The following RIPOR2 variants were observed in gnomAD, a reference collection of about 807,000 sequenced individuals.
The protein encoded by RIPOR2 is RHO family interacting cell polarization regulator 2.
A neutral mutation model predicts 114.5 loss-of-function variants in RIPOR2; 39 were observed. The observed-to-expected ratio is 0.34, with a 90% confidence interval of 0.26 to 0.44. RIPOR2 has a LOEUF of 0.44. RIPOR2 is among the 20% of genes least tolerant of loss of function. The pLI is 1.00. For missense variants in RIPOR2, 1,007 were observed against 1,255.1 expected (o/e 0.80, Z 2.99); for synonymous variants, 445 against 484.4 (o/e 0.92, Z 1.07).
intron 13 of RIPOR2, chr6:24,839,792 C>T (rs1416167833): frequency 7.3e-7 from 1 of 1,372,344 alleles, no homozygotes; most frequent in African/African-American, 1.5e-5. Flanking sequence ...ATCTCTAATT[C>T]CAAGTGGCAA....
At chr6:24,843,598 T>G in intron 12 of RIPOR2, 44 bp from the exon 13 acceptor site, 1 of 1,332,126 alleles carries the variant, frequency 7.5e-7, no homozygotes, top group Non-Finnish European at 1.0e-6. Flanking sequence ...ATACAAATGA[T>G]GCATTTGGCT....
In RIPOR2 at chr6:25,023,775, C is replaced by T. The variant is rs559323110; in HGVS notation, c.76+18076G>A. On this transcript the variant is annotated intron_variant, in intron 1 of 13. Coordinates refer to the RIPOR2 transcript ENST00000510784. ...AAGGAGGTCGGGTGGGTGGAGCCAT[C>T]GTTGACGTTGGTCACCTTCACGGGG... 47 of 799,064 alleles carry T rather than the reference C, an allele frequency of 5.9e-5. No individual in the cohort carries two copies. The African/African-American group carries it at 7.9e-4, about 13-fold the overall frequency. 49.5% of individuals were successfully genotyped at this position (799,064 alleles called of 1,614,324 possible). A position where few individuals can be genotyped will look rare whatever the true frequency, so the allele number is the denominator to read the frequency against.
intron 1 of RIPOR2, among the ~76,000 whole-genome samples, chr6:24,999,896 G>A (rs995098568): frequency 1.3e-5 from 2 of 152,154 alleles, no homozygotes; most frequent in African/African-American, 4.8e-5. Flanking sequence ...AGTGTCAAGA[G>A]CCTGGACACC....
intron 1 of RIPOR2, among the ~76,000 whole-genome samples, chr6:24,968,321 TTGC>T (rs931459572): frequency 2.0e-5 from 3 of 152,230 alleles, no homozygotes; most frequent in African/African-American, 7.2e-5. Flanking sequence ...ATTTGAGATA[TTGC>T]TGCCATTAAG....
At chr6:24,910,466 A>AC (rs1769446963) in intron 1 of RIPOR2, 2 of 151,570 alleles carry the variant, frequency 1.3e-5, no homozygotes, top group South Asian at 4.2e-4. Context: ...TCGCACACAC[A>AC]CCCCTCCCTG....
intron 1 of RIPOR2, among the ~76,000 whole-genome samples, chr6:24,925,399 GA>G (rs1330997822): frequency 1.8e-4 from 27 of 152,290 alleles, no homozygotes; most frequent in African/African-American, 6.5e-4. Flanking sequence ...TGCCTTTCCA[GA>G]AGTGTAGAGA....
At chr6:25,020,797 T>C (rs989908945) in intron 1 of RIPOR2, among the ~76,000 whole-genome samples, 2 of 152,238 alleles carry the variant, frequency 1.3e-5, no homozygotes, top group African/African-American at 4.8e-5. Context: ...AACATGCTAT[T>C]ATAAGTTCTA....
intron 1 of RIPOR2, chr6:25,024,215 C>T: frequency 1.3e-6 from 2 of 1,506,060 alleles, no homozygotes; most frequent in Admixed American, 3.4e-5. Flanking sequence ...GAAAGGTGCC[C>T]AGGAGGTAGC....
At chr6:24,898,078 C>CAAGG (rs1024234815) in intron 1 of RIPOR2, among the ~76,000 whole-genome samples, 1 of 151,270 alleles carries the variant, frequency 6.6e-6, no homozygotes, top group African/African-American at 2.4e-5. Flanking sequence ...AGGAAGGAAG[C>CAAGG]AAGGAAGGAA....
intron 1 of RIPOR2, chr6:25,024,406 C>T: frequency 1.7e-6 from 2 of 1,149,888 alleles, no homozygotes; most frequent in South Asian, 2.4e-5. Flanking sequence ...TAGCCTTGTT[C>T]CTTCACCCAC....
chr6:24,850,554 G>T, intron 10 of RIPOR2, 43 bp downstream of exon 10: 2 of 1,611,628 alleles, frequency 1.2e-6, no homozygotes, highest in Non-Finnish European at 1.7e-6. Flanking sequence ...GGATCATCCA[G>T]CCGTGGCACC....
At chr6:24,807,802 T>C (rs1359919971) in intron 21 of RIPOR2, among the ~76,000 whole-genome samples, 3 of 152,208 alleles carry the variant, frequency 2.0e-5, no homozygotes, top group Non-Finnish European at 4.4e-5. Flanking sequence ...GTTGCAGCCC[T>C]GAGTCCTTTA....
intron 1 of RIPOR2, among the ~76,000 whole-genome samples, chr6:24,900,104 A>G (rs1473091213): frequency 6.6e-6 from 1 of 152,222 alleles, no homozygotes; most frequent in Non-Finnish European, 1.5e-5. Context: ...AAGCCAAAAG[A>G]TCTGGCAGCC....
chr6:24,958,982 C>T (rs620589), intron 1 of RIPOR2, among the ~76,000 whole-genome samples: 43,705 of 119,462 alleles, frequency 0.37, 7,483 homozygotes, highest in Middle Eastern at 0.43. Context: ...GACAGGGTCT[C>T]ACCCTGTCGC....
intron 8 of RIPOR2, among the ~76,000 whole-genome samples, chr6:24,860,541 C>T (rs1024636542): frequency 9.2e-5 from 14 of 152,108 alleles, no homozygotes; most frequent in African/African-American, 1.9e-4. Flanking sequence ...TACTTGGCAT[C>T]GTGGTTATGT....
intron 15 of RIPOR2, among the ~76,000 whole-genome samples, chr6:24,833,098 A>G (rs192226140): frequency 1.5e-3 from 232 of 152,330 alleles, no homozygotes; most frequent in African/African-American, 5.4e-3. Flanking sequence ...AAGAAAGGAT[A>G]TAAGTCATTT....
At chr6:24,921,323 C>T (rs1384730295) in intron 1 of RIPOR2, among the ~76,000 whole-genome samples, 1 of 151,176 alleles carries the variant, frequency 6.6e-6, no homozygotes, top group Non-Finnish European at 1.5e-5. Context: ...CCACCACACC[C>T]AGCTATTTTT....
At chr6:24,825,086 G>A in intron 19 of RIPOR2, 140 bp downstream of exon 19, 1 of 665,150 alleles carries the variant, frequency 1.5e-6, no homozygotes, top group Non-Finnish European at 2.5e-6. Flanking sequence ...TATTTCTTTA[G>A]TTTTGATTGC....
chr6:24,975,385 C>G (rs9356951), intron 1 of RIPOR2, among the ~76,000 whole-genome samples: 27,255 of 151,956 alleles, frequency 0.18, 3,158 homozygotes, highest in East Asian at 0.56. Context: ...ACTAGGCAAA[C>G]GACACAATAT....
Sources: allele counts gnomAD v4.1 joint callset (sites outside exome capture counted in the v4.1 genomes callset), GRCh38; gene constraint gnomAD v4.1.1; transcripts MANE v1.5; gene names NCBI Gene and HGNC (gene_info 2026-07-23, HGNC 2026-07-21).